Variants in LPCAT2 observed in about 807,000 individuals in gnomAD.
The protein encoded by LPCAT2 is 1-AGP acyltransferase 11.
LPCAT2 carries 58 observed loss-of-function variants against 64.7 expected under a neutral mutation model. The observed-to-expected ratio is 0.90, with a 90% CI of 0.73 to 1.12. The LOEUF (loss-of-function observed/expected upper bound fraction) is 1.12. Among genes scored for constraint, LPCAT2 ranks in the 50% most tolerant of loss-of-function variants. The pLI, the probability that LPCAT2 is intolerant of heterozygous loss-of-function variation, is 0.00. For synonymous variants in LPCAT2, 252 were observed against 245.3 expected (o/e 1.03, Z -0.26); for missense variants, 579 against 669.8 (o/e 0.86, Z 1.50).
chr16:55,516,238 G>A (rs1351576704), intron 1 of LPCAT2, among the ~76,000 whole-genome samples: 1 of 151,980 alleles, frequency 6.6e-6, no homozygotes, highest in African/African-American at 2.4e-5. Context: ...CTGAGTGGCT[G>A]CAGCAATAGG....
chr16:55,551,133 A>C, intron 11 of LPCAT2, 31 bp downstream of exon 11: 1 of 1,589,000 alleles, frequency 6.3e-7, no homozygotes, highest in Middle Eastern at 1.7e-4. Flanking sequence ...TCACATTTTT[A>C]CTCTGTCAGT....
intron 11 of LPCAT2, among the ~76,000 whole-genome samples, chr16:55,572,781 C>T (rs1301606833): frequency 6.6e-6 from 1 of 152,046 alleles, no homozygotes; most frequent in Non-Finnish European, 1.5e-5. Context: ...ATGGTCATGC[C>T]TATGGATAGC....
intron 8 of LPCAT2, among the ~76,000 whole-genome samples, chr16:55,544,740 C>A (rs532996935): frequency 6.6e-6 from 1 of 152,198 alleles, no homozygotes; most frequent in East Asian, 1.9e-4. Flanking sequence ...ATTTCCCTGG[C>A]CCCTGACAAA....
chr16:55,553,660 ACCT>A (rs549719132), intron 11 of LPCAT2, among the ~76,000 whole-genome samples: 85 of 152,236 alleles, frequency 5.6e-4, no homozygotes, highest in African/African-American at 2.0e-3. Flanking sequence ...TGATATTTTG[ACCT>A]CCTTCTATGA....
chr16:55,566,892 A>T (rs1963704763), intron 11 of LPCAT2: 2 of 1,613,832 alleles, frequency 1.2e-6, no homozygotes, highest in Non-Finnish European at 1.7e-6. Flanking sequence ...AGGAATTGTG[A>T]ATTTTATCAG....
At chr16:55,523,501 A>G (rs1963126740) in intron 1 of LPCAT2, among the ~76,000 whole-genome samples, 2 of 151,796 alleles carry the variant, frequency 1.3e-5, no homozygotes, top group African/African-American at 4.8e-5. Flanking sequence ...CATATGAGGT[A>G]TAATAGCTGA....
At chr16:55,553,723 G>A (rs1427962672) in intron 11 of LPCAT2, among the ~76,000 whole-genome samples, 2 of 152,158 alleles carry the variant, frequency 1.3e-5, no homozygotes, top group African/African-American at 2.4e-5. Flanking sequence ...TTTCCAAAAG[G>A]TTTTCAATTT....
chr16:55,568,656 C>T (rs549224184), intron 11 of LPCAT2, among the ~76,000 whole-genome samples: 22 of 152,140 alleles, frequency 1.4e-4, no homozygotes, highest in African/African-American at 5.3e-4. Flanking sequence ...AATGATCAGC[C>T]AAGGTTGACA....
chr16:55,512,780 A>G (rs1962951133), intron 1 of LPCAT2, among the ~76,000 whole-genome samples: 1 of 152,234 alleles, frequency 6.6e-6, no homozygotes, highest in Admixed American at 6.5e-5. Context: ...CCACCAATTA[A>G]GGGGGCCTTG....
At chr16:55,532,777 C>A (rs1963270925) in intron 5 of LPCAT2, 47 bp from the exon 6 acceptor site, 1 of 1,320,324 alleles carries the variant, frequency 7.6e-7, no homozygotes, top group Non-Finnish European at 1.1e-6. Context: ...TATCATAAAA[C>A]TTTTATTCAC....
At chr16:55,554,209 C>A (rs893735243) in intron 11 of LPCAT2, among the ~76,000 whole-genome samples, 2 of 152,140 alleles carry the variant, frequency 1.3e-5, no homozygotes, top group Non-Finnish European at 2.9e-5. Flanking sequence ...AAAGGATCAG[C>A]CTGTCTTTTG....
At chr16:55,571,099 A>T (rs1449188623) in intron 11 of LPCAT2, among the ~76,000 whole-genome samples, 2 of 152,210 alleles carry the variant, frequency 1.3e-5, no homozygotes, top group Non-Finnish European at 2.9e-5. Context: ...TATCATTGCA[A>T]AATGTATTCA....
At chr16:55,539,871 A>G (rs1214574803) in intron 8 of LPCAT2, 1 of 152,144 alleles carries the variant, frequency 6.6e-6, no homozygotes, top group African/African-American at 2.4e-5. Flanking sequence ...CTTCTTGAAT[A>G]TTAGGTAAAC....
At chr16:55,566,623 A>G in intron 11 of LPCAT2, 1 of 914,038 alleles carries the variant, frequency 1.1e-6, no homozygotes, top group South Asian at 1.8e-5. Context: ...GAAACATCAC[A>G]TCATGGGGCG....
intron 3 of LPCAT2, among the ~76,000 whole-genome samples, chr16:55,529,497 T>C (rs890901887): frequency 2.6e-5 from 4 of 152,160 alleles, no homozygotes; most frequent in Non-Finnish European, 4.4e-5. Context: ...TGAATTCACG[T>C]AATCAGTTTT....
At position 55,554,077 on chromosome 16, in the gene LPCAT2, G is replaced by C. The variant is rs550086131; in HGVS notation, c.1215+2975G>C. On this transcript the variant is annotated intron_variant, in intron 11 of 13. Coordinates refer to ENST00000262134, the MANE Select transcript of LPCAT2 (RefSeq NM_017839.5). ...AATGTGCAGTCATCCAGGCTTTGTT[G>C]TTCCATTTATAGAACACAGACAGAG... 3.9e-5 allele frequency among the ~76,000 whole-genome samples: 6 copies of C among 152,130 alleles called. No individual in the cohort carries two copies. In the South Asian group the frequency reaches 6.2e-4, roughly 16 times the overall value.
Position 55,583,087 on chromosome 16 carries a change from A to G in LPCAT2, c.1624A>G (p.Lys542Glu), listed in dbSNP as rs368731755. 1.9e-5 allele frequency: 31 copies of G among 1,611,838 alleles called. No individual in the cohort carries two copies. Among genetic ancestry groups the G allele is most frequent in the Middle Eastern group, 3.3e-4 (2 of 6,070 alleles). ...EKHEESTSDKKDD is the reference protein window; with the variant it reads ...EKHEESTSDKEDD ...GCATGAAGAGAGTACCTCAGACAAAAAAGATGACTGAAAGCAGTATTTCCA... is the reference window on the plus strand; with the variant it reads ...GCATGAAGAGAGTACCTCAGACAAAGAAGATGACTGAAAGCAGTATTTCCA... The change falls in exon 14 of 14, where the codon AAA becomes GAA. Residue 542 changes from lysine to glutamate, a missense_variant. Physicochemically the swap from Lys to Glu is moderately conservative, Grantham distance 56 (BLOSUM62 1). Coordinates refer to ENST00000262134, the MANE Select transcript of LPCAT2 (RefSeq NM_017839.5).
Position 55,570,872 on chromosome 16 carries a change from C to T in LPCAT2, c.1216-3759C>T, listed in dbSNP as rs1035981355. On this transcript the variant is annotated intron_variant, in intron 11 of 13. Coordinates refer to ENST00000262134, the MANE Select transcript of LPCAT2 (RefSeq NM_017839.5). The stretch of plus-strand genomic sequence containing the variant: ...CTTCTTCCTGTACTCTTCTGTACAG[C>T]TCAGAATTTACTGTATTTTAATAAT... 2.0e-5 allele frequency among the ~76,000 whole-genome samples: 3 copies of T among 152,172 alleles called. No individual in the cohort carries two copies. In the South Asian group the frequency reaches 6.2e-4, roughly 32 times the overall value.
At chr16:55,547,243 C>G (rs1264731488) in intron 9 of LPCAT2, among the ~76,000 whole-genome samples, 1 of 152,064 alleles carries the variant, frequency 6.6e-6, no homozygotes, top group Non-Finnish European at 1.5e-5. Flanking sequence ...TTTAGACAGC[C>G]TTTTTCTGAA....
Sources: gnomAD v4.1 joint callset for allele counts (sites outside exome capture counted in the v4.1 genomes callset) on GRCh38, gnomAD v4.1.1 for gene constraint, MANE v1.5 for transcripts, NCBI Gene and HGNC (gene_info 2026-07-23, HGNC 2026-07-21) for gene names.